USH2A: variants seen among roughly 807,000 people sequenced by gnomAD.
The protein encoded by USH2A is usherin, also known as Usher syndrome 2A (autosomal recessive, mild).
A neutral mutation model predicts 538.9 loss-of-function variants in USH2A; 443 were observed. The ratio of observed to expected loss-of-function variants is 0.82; its 90% confidence interval spans 0.76 to 0.89. The LOEUF is 0.89. USH2A is among the 40% of genes least tolerant of loss of function. The probability of loss-of-function intolerance (pLI) is 0.00; values close to 1 mark genes in which losing one functional copy is unlikely to be tolerated. For synonymous variants in USH2A, 2,413 were observed against 2,273.5 expected, an observed-to-expected ratio of 1.06 and a Z score of -1.75; for missense variants, 6,633 against 6,324.8, an observed-to-expected ratio of 1.05 and a Z score of -1.65.
At chr1:216,234,071 T>C (rs2035757712) in intron 13 of USH2A, among the ~76,000 whole-genome samples, 1 of 152,182 alleles carries the variant, frequency 6.6e-6, no homozygotes, top group African/African-American at 2.4e-5. Flanking sequence ...ATAGCAATGA[T>C]ATTGAAAGAA....
intron 4 of USH2A, among the ~76,000 whole-genome samples, chr1:216,359,418 C>G (rs1393517693): frequency 6.6e-6 from 1 of 151,910 alleles, no homozygotes; most frequent in Non-Finnish European, 1.5e-5. Flanking sequence ...TATATTAAAC[C>G]ACCATTTAAT....
chr1:215,749,677 C>T (rs1660570313), intron 58 of USH2A, among the ~76,000 whole-genome samples: 1 of 152,188 alleles, frequency 6.6e-6, no homozygotes, highest in African/African-American at 2.4e-5. Context: ...TGGTTAGTTC[C>T]TGAGTTCATA....
intron 32 of USH2A, among the ~76,000 whole-genome samples, chr1:216,026,368 T>A (rs1001478587): frequency 6.6e-6 from 1 of 152,172 alleles, no homozygotes; most frequent in Non-Finnish European, 1.5e-5. Flanking sequence ...ATGGATGGCA[T>A]CTCTCAGGGG....
chr1:215,756,791 G>T (rs754854779), intron 58 of USH2A, among the ~76,000 whole-genome samples: 11 of 152,066 alleles, frequency 7.2e-5, no homozygotes, highest in Non-Finnish European at 1.3e-4. Flanking sequence ...AGGCATGGTG[G>T]TGTGTGCCTG....
chr1:216,253,485 A>G (rs1188468234), intron 11 of USH2A, among the ~76,000 whole-genome samples: 1 of 152,134 alleles, frequency 6.6e-6, no homozygotes, highest in Non-Finnish European at 1.5e-5. Context: ...TCTTATTTAC[A>G]TGTAATGCAT....
At chr1:216,310,133 A>T (rs1424263488) in intron 9 of USH2A, among the ~76,000 whole-genome samples, 1 of 152,114 alleles carries the variant, frequency 6.6e-6, no homozygotes, top group Admixed American at 6.5e-5. Context: ...TAGACCATTG[A>T]CACTCAAAGT....
At chr1:216,385,538 A>G (rs1229543943) in intron 3 of USH2A, among the ~76,000 whole-genome samples, 2 of 152,228 alleles carry the variant, frequency 1.3e-5, no homozygotes, top group Non-Finnish European at 2.9e-5. Context: ...AGAGCCTGTA[A>G]GATTAACTGC....
At chr1:216,195,209 T>C (rs896163919) in intron 19 of USH2A, among the ~76,000 whole-genome samples, 2 of 152,046 alleles carry the variant, frequency 1.3e-5, no homozygotes, top group African/African-American at 2.4e-5. Context: ...AAATTCATCA[T>C]AAAATGGAAG....
intron 56 of USH2A, among the ~76,000 whole-genome samples, chr1:215,766,110 CATCTCTG>C (rs1661119597): frequency 6.6e-6 from 1 of 152,160 alleles, no homozygotes; most frequent in Non-Finnish European, 1.5e-5. Context: ...TCTGGTTGTA[CATCTCTG>C]TACATCACTG....
chr1:215,954,009 A>G (rs542135606), intron 37 of USH2A, among the ~76,000 whole-genome samples: 2 of 152,322 alleles, frequency 1.3e-5, no homozygotes, highest in East Asian at 1.9e-4. Flanking sequence ...CAAAACCACA[A>G]TGAGATACCA....
chr1:216,124,922 G>C lies in USH2A; in HGVS notation c.4628-27709C>G, dbSNP rs564116206. Among the ~76,000 whole-genome samples the C allele has an allele frequency of 8.2e-4, 124 of 151,090 alleles. 1 individual carries two copies. The highest frequency in any genetic ancestry group is 2.8e-3 in the African/African-American group (116 of 41,414). On this transcript the variant is annotated intron_variant, in intron 21 of 71. Transcript: ENST00000307340. The stretch of plus-strand genomic sequence containing the variant: ...TTATCTGGTGTTATTTAGGTAATAA[G>C]ACATTCTGCATGCATAGATTTCTAG...
Position 215,724,243 on chromosome 1 carries a change from AC to A in USH2A, c.12066+3786del, listed in dbSNP as rs1659746037. On this transcript the variant is annotated intron_variant, in intron 61 of 71. Transcript: ENST00000307340. Reference sequence around the variant, plus strand: ...GAAACACACACACACACACACACACACACACAAACACACACACTGTAGAATA... The same window carrying A: ...GAAACACACACACACACACACACACAACACAAACACACACACTGTAGAATA... Among the ~76,000 whole-genome samples, 7 of 140,500 alleles carry A rather than the reference AC, an allele frequency of 5.0e-5. No individual in the cohort carries two copies. The South Asian group carries it at 1.5e-3, about 29-fold the overall frequency. The allele number at this position is 140,500 out of a possible 152,430, so 92.2% of individuals were successfully genotyped here.
At chr1:216,342,051 G>A (rs919423446) in intron 4 of USH2A, among the ~76,000 whole-genome samples, 14 of 152,110 alleles carry the variant, frequency 9.2e-5, no homozygotes, top group Non-Finnish European at 1.9e-4. Flanking sequence ...TCATCAGGGT[G>A]AGTAGGCAAC....
intron 4 of USH2A, among the ~76,000 whole-genome samples, chr1:216,335,697 C>A (rs1385835900): frequency 1.3e-5 from 2 of 151,478 alleles, no homozygotes; most frequent in Non-Finnish European, 3.0e-5. Context: ...TTCCAAGAAA[C>A]ACACAAACTA....
In USH2A at chr1:215,878,776, C is replaced by A. The variant is rs1064794034; in HGVS notation, c.8546G>T (p.Gly2849Val). Residue 2849 changes from glycine to valine, a missense_variant, in exon 42 of 72, where the codon GGA (glycine) becomes GTA (valine). Transcript: ENST00000307340. ...CACCTTCTCTTACCTCAAATTAGGT[C>A]CATTTGGCTTGGATGGTGGTTGCCA... ...ISWQPPSKPNGPNLRYELLRR... is the reference protein window; with the variant it reads ...ISWQPPSKPNVPNLRYELLRR... The A allele has an allele frequency of 6.8e-6, 11 of 1,613,900 alleles. No homozygotes were observed. Among genetic ancestry groups the A allele is most frequent in the Non-Finnish European group, 9.3e-6 (11 of 1,179,904 alleles).
At chr1:215,833,154 A>G (rs757816753) in intron 47 of USH2A, among the ~76,000 whole-genome samples, 23 of 151,954 alleles carry the variant, frequency 1.5e-4, no homozygotes, top group Non-Finnish European at 3.2e-4. Flanking sequence ...CACAAATTCA[A>G]TGCAGTTCTA....
At position 215,643,877 on chromosome 1, in the gene USH2A, G is replaced by GA. The variant is rs970578232; in HGVS notation, c.14792-3144dup. 3.1e-4 allele frequency among the ~76,000 whole-genome samples: 47 copies of GA among 149,334 alleles called. 1 individual carries two copies. Among genetic ancestry groups the GA allele is most frequent in the African/African-American group, 8.9e-4 (36 of 40,656 alleles). ...GTTCACTTTGTTCTTCCAAGCATAA[G>GA]AAAAAAAAAATTCTGGCAAAAGCTA... On this transcript the variant is annotated intron_variant, in intron 67 of 71. Transcript: ENST00000307340.
intron 21 of USH2A, chr1:216,173,940 C>A: frequency 3.1e-6 from 3 of 977,026 alleles, no homozygotes; most frequent in Non-Finnish European, 3.6e-6. Context: ...CCTTTTTTTT[C>A]TTTTCTTTTT....
intron 9 of USH2A, among the ~76,000 whole-genome samples, chr1:216,309,028 T>C (rs1208148207): frequency 1.3e-5 from 2 of 152,170 alleles, no homozygotes; most frequent in African/African-American, 4.8e-5. Flanking sequence ...AAAAAGTTAA[T>C]AAACACTCTA....
Sources: gnomAD v4.1 joint callset for allele counts (sites outside exome capture counted in the v4.1 genomes callset) on GRCh38, gnomAD v4.1.1 for gene constraint, MANE v1.5 for transcripts, NCBI Gene and HGNC (gene_info 2026-07-23, HGNC 2026-07-21) for gene names.